The following C1orf105 variants were observed in gnomAD, a reference collection of about 807,000 sequenced individuals.
C1orf105 encodes chromosome 1 open reading frame 105.
Under a neutral mutation model 20.8 loss-of-function variants are expected in C1orf105, and 17 were observed. The ratio of observed to expected loss-of-function variants is 0.82; its 90% CI spans 0.56 to 1.23. The LOEUF is 1.23. Among genes scored for constraint, C1orf105 ranks in the 50% most tolerant of loss-of-function variants. The probability of loss-of-function intolerance (pLI) is 0.00; values close to 1 mark genes in which losing one functional copy is unlikely to be tolerated. For synonymous variants in C1orf105, 72 were observed against 72.1 expected (o/e 1.00, Z 0.01); for missense variants, 219 against 213.5 (o/e 1.03, Z -0.16).
chr1:172,433,789 A>G (rs908481447), intron 1 of C1orf105, among the ~76,000 whole-genome samples: 3 of 152,262 alleles, frequency 2.0e-5, no homozygotes, highest in African/African-American at 7.2e-5. Context: ...AAATGCCCCA[A>G]TTAAAAGACA....
chr1:172,462,908 G>C (rs1047686329), intron 5 of C1orf105, among the ~76,000 whole-genome samples: 1 of 150,706 alleles, frequency 6.6e-6, no homozygotes, highest in Non-Finnish European at 1.5e-5. Flanking sequence ...AAATAGCTGC[G>C]ATTACAGATG....
chr1:172,431,144 A>G, intron 1 of C1orf105: 1 of 512,100 alleles, frequency 2.0e-6, no homozygotes. Context: ...AGAGTTGCAC[A>G]TCTCTCATTT....
At chr1:172,442,188 G>C in intron 1 of C1orf105, 4 of 1,614,000 alleles carry the variant, frequency 2.5e-6, no homozygotes, top group Non-Finnish European at 3.4e-6. Context: ...TGGTGTCAGT[G>C]CTGACAGACT....
intron 1 of C1orf105, among the ~76,000 whole-genome samples, chr1:172,437,721 C>A (rs1430209361): frequency 8.1e-6 from 1 of 124,218 alleles, no homozygotes; most frequent in Admixed American, 8.9e-5. Context: ...TACCCTAGAA[C>A]TTAAAGTATA....
At chr1:172,441,829 C>T in intron 1 of C1orf105, 5 of 1,613,884 alleles carry the variant, frequency 3.1e-6, no homozygotes, top group Non-Finnish European at 4.2e-6. Context: ...GTAGAATGGA[C>T]ACAGACATGA....
chr1:172,458,946 G>C (rs1649501845), intron 4 of C1orf105, among the ~76,000 whole-genome samples: 1 of 152,140 alleles, frequency 6.6e-6, no homozygotes, highest in Non-Finnish European at 1.5e-5. Flanking sequence ...AATGAGGAAA[G>C]AATAGTATTT....
chr1:172,460,158 T>C (rs1465888353), intron 4 of C1orf105, among the ~76,000 whole-genome samples: 1 of 152,146 alleles, frequency 6.6e-6, no homozygotes, highest in Non-Finnish European at 1.5e-5. Flanking sequence ...TACTAAAAAC[T>C]ACTAAATTGC....
intron 1 of C1orf105, chr1:172,443,929 G>A (rs1355787697): frequency 1.4e-5 from 14 of 987,334 alleles, no homozygotes; most frequent in Non-Finnish European, 1.6e-5. Context: ...TGGGTCTGCG[G>A]GAGGCAGCAG....
intron 5 of C1orf105, among the ~76,000 whole-genome samples, chr1:172,464,164 T>C (rs539704526): frequency 1.5e-4 from 23 of 152,348 alleles, no homozygotes; most frequent in Admixed American, 2.6e-4. Flanking sequence ...GGAGAAAAGA[T>C]GCAGGATAGA....
At chr1:172,426,902 G>A (rs1019482455) in intron 1 of C1orf105, among the ~76,000 whole-genome samples, 8 of 152,092 alleles carry the variant, frequency 5.3e-5, no homozygotes, top group African/African-American at 1.9e-4. Context: ...CCACCATTCT[G>A]GGTAAATCTA....
chr1:172,428,720 T>C, intron 1 of C1orf105: 1 of 643,890 alleles, frequency 1.6e-6, no homozygotes, highest in East Asian at 2.8e-5. Flanking sequence ...CTTCCATTTA[T>C]GTTTATTATC....
intron 3 of C1orf105, among the ~76,000 whole-genome samples, chr1:172,455,830 C>G (rs1192241298): frequency 2.0e-5 from 3 of 152,096 alleles, no homozygotes; most frequent in Admixed American, 6.5e-5. Flanking sequence ...TTCAATCATT[C>G]TGCTTAGGAG....
chr1:172,447,736 G>A (rs976785992), intron 2 of C1orf105, among the ~76,000 whole-genome samples: 2 of 152,200 alleles, frequency 1.3e-5, no homozygotes, highest in African/African-American at 4.8e-5. Flanking sequence ...TTAGAGAGGA[G>A]GTGTGTTCCC....
intron 4 of C1orf105, among the ~76,000 whole-genome samples, chr1:172,456,914 C>T (rs1649314967): frequency 6.6e-6 from 1 of 152,170 alleles, no homozygotes; most frequent in Admixed American, 6.5e-5. Context: ...TAGGTAGCAC[C>T]TCAAGAGAAA....
At chr1:172,466,142 C>A (rs1043541311) in intron 6 of C1orf105, among the ~76,000 whole-genome samples, 29 of 152,136 alleles carry the variant, frequency 1.9e-4, no homozygotes, top group African/African-American at 6.5e-4. Context: ...TGCAGGGGAA[C>A]TAGAGCCAGA....
rs1462856103 is a variant in C1orf105, at chr1:172,430,255, A to C, written c.21+9349A>C. On this transcript the variant is annotated intron_variant, in intron 1 of 6. Coordinates refer to ENST00000367727, the MANE Select transcript of C1orf105 (RefSeq NM_139240.4). Reference sequence around the variant, plus strand: ...TTTAAGTGATGAGTAACTTCCCACCACAACTGTCATACTACTTTATACCAA... The same window carrying C: ...TTTAAGTGATGAGTAACTTCCCACCCCAACTGTCATACTACTTTATACCAA... 5 of 687,586 alleles carry C rather than the reference A, an allele frequency of 7.3e-6. 1 individual carries two copies. The South Asian group carries it at 7.6e-5, about 10-fold the overall frequency. 42.6% of individuals were successfully genotyped at this position (687,586 alleles called of 1,614,324 possible). A position where few individuals can be genotyped will look rare whatever the true frequency, so the allele number is the denominator to read the frequency against.
rs538285702 is a variant in C1orf105 at position 172,445,381 on chromosome 1, C to T, written c.107+223C>T. Among the ~76,000 whole-genome samples, 12 of 152,320 alleles carry T rather than the reference C, an allele frequency of 7.9e-5. 1 individual carries two copies. Among genetic ancestry groups the T allele is most frequent in the Middle Eastern group, 3.4e-3 (1 of 294 alleles). On this transcript the variant is annotated intron_variant, in intron 2 of 6. Coordinates refer to ENST00000367727, the MANE Select transcript of C1orf105 (RefSeq NM_139240.4). ...AGATCTCAAAATTTTTCCCTCTCCA[C>T]CACTACCACTCAACAGTATAAGATA...
intron 6 of C1orf105, among the ~76,000 whole-genome samples, chr1:172,468,104 C>T (rs1329338597): frequency 1.3e-5 from 2 of 152,100 alleles, no homozygotes; most frequent in Non-Finnish European, 2.9e-5. Context: ...CATATTACAA[C>T]ACCAGACATG....
chr1:172,422,259 A>G (rs1440959790), intron 1 of C1orf105, among the ~76,000 whole-genome samples: 1 of 152,184 alleles, frequency 6.6e-6, no homozygotes, highest in African/African-American at 2.4e-5. Context: ...GGGAAGAGTG[A>G]AAAGGACTTT....
Sources: allele counts gnomAD v4.1 joint callset (sites outside exome capture counted in the v4.1 genomes callset), GRCh38; gene constraint gnomAD v4.1.1; transcripts MANE v1.5; gene names NCBI Gene and HGNC (gene_info 2026-07-23, HGNC 2026-07-21).